The following SP1 variants were observed in gnomAD, a reference collection of about 807,000 sequenced individuals.
The protein encoded by SP1 is Sp1 transcription factor.
In SP1, 6 loss-of-function variants were observed where a neutral mutation model predicts 66.3. The observed-to-expected ratio is 0.09, with a 90% CI of 0.05 to 0.18. The LOEUF (loss-of-function observed/expected upper bound fraction) is 0.18. Among genes scored for constraint, SP1 ranks in the 10% least tolerant of loss-of-function variants. SP1 has a pLI of 1.00. For missense variants in SP1, 848 were observed against 964.5 expected (o/e 0.88, Z 1.60); for synonymous variants, 417 against 360.8 (o/e 1.16, Z -1.77).
chr12:53,388,737 T>G (rs1264483196), intron 3 of SP1, among the ~76,000 whole-genome samples: 1 of 152,140 alleles, frequency 6.6e-6, no homozygotes, highest in Non-Finnish European at 1.5e-5. Flanking sequence ...CCCAGCACTT[T>G]GGGAGGCCAA....
At chr12:53,404,118 C>G (rs1323159713) in intron 3 of SP1, among the ~76,000 whole-genome samples, 1 of 151,414 alleles carries the variant, frequency 6.6e-6, no homozygotes, top group Non-Finnish European at 1.5e-5. Context: ...TTGCAGTGAG[C>G]CGAGATCGCG....
At chr12:53,380,543 G>T in intron 1 of SP1, 3 of 657,326 alleles carry the variant, frequency 4.6e-6, no homozygotes, top group Non-Finnish European at 4.0e-6. Context: ...CCCCCTGCCC[G>T]CCCCGGCCAC....
Position 53,382,298 on chromosome 12 carries a change from C to G in SP1, c.351C>G (p.Thr117=). 6.2e-7 allele frequency: 1 copy of G among 1,614,164 alleles called. No individual in the cohort carries two copies. Among genetic ancestry groups the G allele is most frequent in the Non-Finnish European group, 8.5e-7 (1 of 1,180,022 alleles). Residue 117 remains threonine, a synonymous_variant, in exon 3 of 6, where the codon ACC becomes ACG. Coordinates refer to ENST00000327443, the MANE Select transcript of SP1 (RefSeq NM_138473.3). ...WQIISSSSGA[T]PTSKEQSGSS... ...TCATCTCTTCCTCCTCTGGGGCTACCCCTACCTCAAAGGAACAGAGTGGCA... is the reference window on the plus strand; with the variant it reads ...TCATCTCTTCCTCCTCTGGGGCTACGCCTACCTCAAAGGAACAGAGTGGCA...
At chr12:53,392,954 A>G (rs936178125) in intron 3 of SP1, among the ~76,000 whole-genome samples, 4 of 151,794 alleles carry the variant, frequency 2.6e-5, no homozygotes, top group Non-Finnish European at 5.9e-5. Flanking sequence ...CCTCCTGAGT[A>G]ACCGGGATTA....
Position 53,381,791 on chromosome 12 carries a change from G to A in SP1, c.140G>A (p.Ser47Asn). Residue 47 changes from serine to asparagine, a missense_variant, in exon 2 of 6, where the codon AGC becomes AAC. Ser to Asn is a conservative substitution (Grantham distance 46). This residue lies in a region of SP1 where 84 missense variants were observed against 73.9 expected (regional missense o/e 1.14). Coordinates refer to ENST00000327443, the MANE Select transcript of SP1 (RefSeq NM_138473.3). ...QARSSSTGSS[S>N]STGGGGQESQ... is the part of the protein sequence containing the mutation. ...CGAAGTAGCAGCACAGGCAGTAGCA[G>A]CAGCACTGGAGGAGGAGGGCAGGTA... 1 of 1,613,926 alleles carries A rather than the reference G, an allele frequency of 6.2e-7. No individual in the cohort carries two copies. Among genetic ancestry groups the A allele is most frequent in the East Asian group, 2.2e-5 (1 of 44,888 alleles).
In SP1 at chr12:53,414,174, G is replaced by GT. The variant is rs1460477778; in HGVS notation, c.*2941dup. The stretch of plus-strand genomic sequence containing the variant: ...ATTGATTCTGAAATTTTTTTCCTAA[G>GT]TTTTTTTCATTTTTTTGAATGAGTT... On this transcript the variant is annotated 3_prime_UTR_variant, in exon 6 of 6. Transcript: ENST00000327443. 3.3e-5 allele frequency: 5 copies of GT among 152,230 alleles called. No homozygotes were observed. Among genetic ancestry groups the GT allele is most frequent in the South Asian group, 2.1e-4 (1 of 4,826 alleles). The allele number at this position is 152,230 out of a possible 1,614,324, so 9.4% of individuals were successfully genotyped here.
Position 53,382,287 on chromosome 12 carries a change from T to C in SP1, c.340T>C (p.Ser114Pro). ...TGGCTGGCAGATCATCTCTTCCTCC[T>C]CTGGGGCTACCCCTACCTCAAAGGA... is the stretch of plus-strand genomic sequence containing the variant. ...ANGWQIISSS[S>P]GATPTSKEQS... is the part of the protein sequence containing the mutation. Residue 114 changes from serine (S) to proline (P), a missense_variant, in exon 3 of 6, where the codon TCT becomes CCT. Coordinates refer to ENST00000327443, the MANE Select transcript of SP1 (RefSeq NM_138473.3). 6.2e-7 allele frequency: 1 copy of C among 1,614,168 alleles called. No individual in the cohort carries two copies. Among genetic ancestry groups the C allele is most frequent in the African/African-American group, 1.3e-5 (1 of 75,046 alleles).
At position 53,409,447 on chromosome 12, in the gene SP1, C is replaced by T; in HGVS notation, c.1930C>T (p.Arg644Trp). The T allele has an allele frequency of 6.2e-7, 1 of 1,613,958 alleles. No individual in the cohort carries two copies. Among genetic ancestry groups the T allele is most frequent in the Non-Finnish European group, 8.5e-7 (1 of 1,179,934 alleles). Residue 644 changes from arginine (R) to tryptophan (W), a missense_variant, in exon 5 of 6, where the codon CGG (arginine) becomes TGG (tryptophan). By Grantham distance (101) the Arg-to-Trp change is moderately radical. Coordinates refer to ENST00000327443, the MANE Select transcript of SP1 (RefSeq NM_138473.3). ...AGTGTATGGCAAGACCTCTCACCTGCGGGCACACTTGCGCTGGCATACAGG... is the reference window on the plus strand; with the variant it reads ...AGTGTATGGCAAGACCTCTCACCTGTGGGCACACTTGCGCTGGCATACAGG... ...GKVYGKTSHLRAHLRWHTGER... is the reference protein window; with the variant it reads ...GKVYGKTSHLWAHLRWHTGER...
chr12:53,400,801 G>A (rs1317042709), intron 3 of SP1, among the ~76,000 whole-genome samples: 2 of 129,152 alleles, frequency 1.5e-5, no homozygotes, highest in Non-Finnish European at 3.1e-5. Context: ...TCGTTCTGTC[G>A]CCCAGGCTGC....
chr12:53,383,594 C>A lies in SP1; in HGVS notation c.1647C>A (p.Gly549=). The change falls in exon 3 of 6, where the codon GGC becomes GGA. Residue 549 remains glycine, a synonymous_variant. Transcript: ENST00000327443. ...GAATCCAGGTGCACCCAATTCAAGGCCTGCCGTTGGCTATAGCAAATGCCC... is the reference window on the plus strand; with the variant it reads ...GAATCCAGGTGCACCCAATTCAAGGACTGCCGTTGGCTATAGCAAATGCCC... ...TSGIQVHPIQ[G]LPLAIANAPG... 2 of 1,611,162 alleles carry A rather than the reference C, an allele frequency of 1.2e-6. No individual in the cohort carries two copies. Among genetic ancestry groups the A allele is most frequent in the Non-Finnish European group, 1.7e-6 (2 of 1,178,594 alleles).
At position 53,414,292 on chromosome 12, in the gene SP1, G is replaced by T. The variant is rs975975163; in HGVS notation, c.*3052G>T. The T allele has an allele frequency of 6.6e-6, 1 of 152,490 alleles. No homozygotes were observed. The highest frequency in any genetic ancestry group is 1.5e-5 in the Non-Finnish European group (1 of 68,028). 9.4% of individuals were successfully genotyped at this position (152,490 alleles called of 1,614,324 possible). A position where few individuals can be genotyped will look rare whatever the true frequency, so the allele number is the denominator to read the frequency against. On this transcript the variant is annotated 3_prime_UTR_variant, in exon 6 of 6. Coordinates refer to ENST00000327443, the MANE Select transcript of SP1 (RefSeq NM_138473.3). ...AACACTTATTCCCTCATCCTTTCAG[G>T]TTTTCAGGTTGCCCATTTATATTCA...
rs200811040 is a variant in SP1, at chr12:53,382,745, G to C, written c.798G>C (p.Leu266Phe). The C allele has an allele frequency of 4.3e-6, 7 of 1,614,120 alleles. No homozygotes were observed. The highest frequency in any genetic ancestry group is 3.4e-6 in the Non-Finnish European group (4 of 1,180,030). Residue 266 changes from leucine (L) to phenylalanine (F), a missense_variant, in exon 3 of 6, where the codon TTG (leucine) becomes TTC (phenylalanine). Transcript: ENST00000327443. ...TGGCCCTGAATGGGAACATCACCTT[G>C]CTACCTGTCAACAGCGTTTCTGCAG... ...VPVALNGNIT[L>F]LPVNSVSAAT...
intron 3 of SP1, among the ~76,000 whole-genome samples, chr12:53,399,883 G>A (rs1022804408): frequency 6.6e-6 from 1 of 151,618 alleles, no homozygotes. Context: ...CGCCCGCCTC[G>A]GCCTCCCAAA....
intron 3 of SP1, among the ~76,000 whole-genome samples, chr12:53,384,483 C>T (rs1938182013): frequency 6.6e-6 from 1 of 151,710 alleles, no homozygotes; most frequent in Non-Finnish European, 1.5e-5. Context: ...CAAGGTTTTG[C>T]TATGTTGGCC....
In SP1 at chr12:53,381,747, T is replaced by C. The variant is rs1938103216; in HGVS notation, c.96T>C (p.Gly32=). ...ATAATGGGGGCAATGGTAATGGTGGTGGTGCCTTTTCACAGGCTCGAAGTA... is the reference window on the plus strand; with the variant it reads ...ATAATGGGGGCAATGGTAATGGTGGCGGTGCCTTTTCACAGGCTCGAAGTA... The part of the protein sequence containing the change: ...GGNNGGNGNG[G]GAFSQARSSS... The change falls in exon 2 of 6, where the codon GGT becomes GGC. Residue 32 remains glycine (G), a synonymous_variant. Transcript: ENST00000327443. The C allele has an allele frequency of 1.2e-6, 2 of 1,614,156 alleles. No homozygotes were observed. Among genetic ancestry groups the C allele is most frequent in the Non-Finnish European group, 8.5e-7 (1 of 1,180,012 alleles).
chr12:53,383,083 C>T lies in SP1; in HGVS notation c.1136C>T (p.Ser379Leu). The change falls in exon 3 of 6, where the codon TCA becomes TTA. Residue 379 changes from serine (S) to leucine (L), a missense_variant. By Grantham distance (145) the Ser-to-Leu change is moderately radical. Coordinates refer to ENST00000327443, the MANE Select transcript of SP1 (RefSeq NM_138473.3). ...CAGCAAAACCAGACATCTGGAGGCTCATTGCAAGCAGGCCAGCAAAAAGAA... is the reference window on the plus strand; with the variant it reads ...CAGCAAAACCAGACATCTGGAGGCTTATTGCAAGCAGGCCAGCAAAAAGAA... ...NIQQNQTSGG[S>L]LQAGQQKEGE... The T allele has an allele frequency of 6.2e-7, 1 of 1,614,164 alleles. No individual in the cohort carries two copies. The highest frequency in any genetic ancestry group is 8.5e-7 in the Non-Finnish European group (1 of 1,180,040).
chr12:53,398,019 T>C (rs1938528623), intron 3 of SP1, among the ~76,000 whole-genome samples: 1 of 152,226 alleles, frequency 6.6e-6, no homozygotes, highest in African/African-American at 2.4e-5. Flanking sequence ...TTCCTTACTT[T>C]AATCTTCTAG....
intron 3 of SP1, among the ~76,000 whole-genome samples, chr12:53,396,509 G>T (rs186412118): frequency 1.3e-5 from 2 of 149,208 alleles, no homozygotes; most frequent in African/African-American, 4.9e-5. Context: ...CGGAGCTGGC[G>T]GTTAGCCGAG....
chr12:53,380,849 CT>C (rs1259288162), intron 1 of SP1, among the ~76,000 whole-genome samples: 2 of 151,488 alleles, frequency 1.3e-5, no homozygotes, highest in African/African-American at 4.8e-5. Context: ...CTGTAGATCC[CT>C]TTAGTTCCTT....
Sources: allele counts gnomAD v4.1 joint callset (sites outside exome capture counted in the v4.1 genomes callset), GRCh38; gene constraint gnomAD v4.1.1; regional missense constraint gnomAD v4.1.1; transcripts MANE v1.5; gene names NCBI Gene and HGNC (gene_info 2026-07-23, HGNC 2026-07-21).